KLF4: variants seen among roughly 807,000 people sequenced by gnomAD.
KLF4 encodes Krueppel-like factor 4.
KLF4 carries 14 observed loss-of-function variants against 38.0 expected under a neutral mutation model. The observed-to-expected ratio is 0.37, with a 90% CI of 0.24 to 0.58. The LOEUF is 0.58. Ranked by LOEUF, KLF4 falls within the 20% of genes least tolerant of loss-of-function variation. KLF4 has a pLI of 0.76. For missense variants in KLF4, 737 were observed against 670.1 expected (o/e 1.10, Z -1.10); for synonymous variants, 398 against 302.5 (o/e 1.32, Z -3.28).
chr9:107,488,359 C>A lies in KLF4; in HGVS notation c.127-92G>T, dbSNP rs555093033. The A allele has an allele frequency of 1.2e-4, 174 of 1,451,222 alleles. No individual in the cohort carries two copies. The South Asian group carries it at 2.2e-3, about 19-fold the overall frequency. The allele number at this position is 1,451,222 out of a possible 1,614,324, so 89.9% of individuals were successfully genotyped here. On this transcript the variant is annotated intron_variant, in intron 2 of 4. Coordinates refer to ENST00000374672, the MANE Select transcript of KLF4 (RefSeq NM_004235.6). This position sits in a 1 kb window ranked among gnomAD's most constrained non-coding sequence, Gnocchi z 5.7. ...GCTGGCGGGCCACGCGCGACTGCACCGCCCAGACATGGGGACTGGTCAGGC... is the reference window on the plus strand; with the variant it reads ...GCTGGCGGGCCACGCGCGACTGCACAGCCCAGACATGGGGACTGGTCAGGC...
Position 107,487,257 on chromosome 9 carries a change from G to A in KLF4, c.1099+38C>T. 1 of 1,600,164 alleles carries A rather than the reference G, an allele frequency of 6.2e-7. No individual in the cohort carries two copies. Among genetic ancestry groups the A allele is most frequent in the South Asian group, 1.1e-5 (1 of 88,644 alleles). On this transcript the variant is annotated intron_variant, in intron 3 of 4. Transcript: ENST00000374672. The surrounding 1 kb of genome is among the most constrained non-coding windows in gnomAD (Gnocchi z 6.1). ...TCCCGAAGTGGGGCCAGCACACACA[G>A]GGCTCCCCAGCCCGAGCTACAAATC...
At position 107,485,256 on chromosome 9, in the gene KLF4, C is replaced by G. The variant is rs1408170473; in HGVS notation, c.*495G>C. Reference sequence around the variant, plus strand: ...TTGTTTGGTACCTTTAGAACCAAGACTCACCAAGCACCATCATTTAGGCTA... The same window carrying G: ...TTGTTTGGTACCTTTAGAACCAAGAGTCACCAAGCACCATCATTTAGGCTA... On this transcript the variant is annotated 3_prime_UTR_variant, in exon 5 of 5. Transcript: ENST00000374672. This position sits in a 1 kb window ranked among gnomAD's most constrained non-coding sequence, Gnocchi z 4.9. 4.7e-6 allele frequency: 1 copy of G among 213,258 alleles called. No individual in the cohort carries two copies. The highest frequency in any genetic ancestry group is 9.5e-6 in the Non-Finnish European group (1 of 105,426). 13.2% of individuals were successfully genotyped at this position (213,258 alleles called of 1,614,324 possible).
chr9:107,487,917 G>C lies in KLF4; in HGVS notation c.477C>G (p.Asp159Glu), dbSNP rs544822847. Residue 159 changes from aspartate to glutamate, a missense_variant, in exon 3 of 5, where the codon GAC becomes GAG. This residue lies in a region of KLF4 where 695 missense variants were observed against 554.5 expected (regional missense o/e 1.25). Transcript: ENST00000374672. The surrounding 1 kb of genome is among the most constrained non-coding windows in gnomAD (Gnocchi z 6.1). The stretch of plus-strand genomic sequence containing the variant: ...CCGTGCCGCCCGGCGCCACGCCCGG[G>C]TCGTTCCCGGCCCGGATCGGATAGG... ...SFTYPIRAGN[D>E]PGVAPGGTGG... The C allele has an allele frequency of 1.3e-5, 21 of 1,573,714 alleles. No individual in the cohort carries two copies. In the Admixed American group the frequency reaches 3.5e-4, roughly 27 times the overall value.
At chr9:107,486,258 A>T (rs1829061103) in intron 4 of KLF4, among the ~76,000 whole-genome samples, 4 of 152,012 alleles carry the variant, frequency 2.6e-5, no homozygotes, top group Admixed American at 2.6e-4. Flanking sequence ...TGGAAATGAA[A>T]TTTGGAAATT....
Position 107,488,052 on chromosome 9 carries a change from G to A in KLF4, c.342C>T (p.Thr114=), listed in dbSNP as rs778450577. 1 of 1,612,512 alleles carries A rather than the reference G, an allele frequency of 6.2e-7. No individual in the cohort carries two copies. The highest frequency in any genetic ancestry group is 1.1e-5 in the South Asian group (1 of 91,030). ...DLDFILSNSL[T]HPPESVAATV... ...TGGCGGCCACTGACTCCGGAGGATG[G>A]GTCAGCGAATTGGAGAGAATAAAGT... The change falls in exon 3 of 5, where the codon ACC becomes ACT. Residue 114 remains threonine (T), a synonymous_variant. Coordinates refer to ENST00000374672, the MANE Select transcript of KLF4 (RefSeq NM_004235.6). The surrounding 1 kb of genome is among the most constrained non-coding windows in gnomAD (Gnocchi z 5.7).
chr9:107,488,158 G>C lies in KLF4; in HGVS notation c.236C>G (p.Ala79Gly), dbSNP rs144010829. 22 of 1,612,464 alleles carry C rather than the reference G, an allele frequency of 1.4e-5. No homozygotes were observed. The African/African-American group carries it at 1.7e-4, about 13-fold the overall frequency. Residue 79 changes from alanine to glycine, a missense_variant, in exon 3 of 5, where the codon GCC becomes GGC. Physicochemically the swap from Ala to Gly is moderately conservative, Grantham distance 60 (BLOSUM62 0). This residue lies in a region of KLF4 where 695 missense variants were observed against 554.5 expected (regional missense o/e 1.25). Transcript: ENST00000374672. The surrounding 1 kb of genome is among the most constrained non-coding windows in gnomAD (Gnocchi z 5.7). ...TVATDLESGG[A>G]GAACGGSNLA... is the part of the protein sequence containing the mutation. ...GTTGCTACCGCCGCAAGCCGCACCG[G>C]CTCCGCCGCTCTCCAGGTCTGTGGC...
Position 107,488,202 on chromosome 9 carries a change from G to C in KLF4, c.192C>G (p.Asp64Glu), listed in dbSNP as rs748091440. ...LPPVLPGRPY[D>E]LAAATVATDL... is the part of the protein sequence containing the mutation. ...CTGTGGCCACGGTCGCCGCCGCCAG[G>C]TCATAGGGGCGGCCGGGAAGCACTG... The change falls in exon 3 of 5, where the codon GAC (aspartate) becomes GAG (glutamate). Residue 64 changes from aspartate to glutamate, a missense_variant. Physicochemically the swap from Asp to Glu is conservative, Grantham distance 45 (BLOSUM62 2). Transcript: ENST00000374672. The surrounding 1 kb of genome is among the most constrained non-coding windows in gnomAD (Gnocchi z 5.7). 1.2e-6 allele frequency: 2 copies of C among 1,611,896 alleles called. No homozygotes were observed. The highest frequency in any genetic ancestry group is 1.7e-6 in the Non-Finnish European group (2 of 1,179,612).
rs144746864 is a variant in KLF4, at chr9:107,487,951, C to T, written c.443G>A (p.Cys148Tyr). 27 of 1,583,854 alleles carry T rather than the reference C, an allele frequency of 1.7e-5. No individual in the cohort carries two copies. In the African/African-American group the frequency reaches 3.2e-4, roughly 19 times the overall value. Residue 148 changes from cysteine to tyrosine, a missense_variant, in exon 3 of 5, where the codon TGC becomes TAC. Cys to Tyr is a radical substitution (Grantham distance 194). Around this residue, in one of 2 missense-constraint regions of KLF4, gnomAD observed 695 missense variants for 554.5 expected, o/e 1.25. Transcript: ENST00000374672. This position sits in a 1 kb window ranked among gnomAD's most constrained non-coding sequence, Gnocchi z 6.1. ...GGCCCGGATCGGATAGGTGAAGCTG[C>T]AGGTGGAGGGCGCGCTGGCAGGGCC... ...SSGPASAPST[C>Y]SFTYPIRAGN...
chr9:107,486,919 A>G (rs1324638708), intron 4 of KLF4, 109 bp downstream of exon 4: 1 of 1,586,436 alleles, frequency 6.3e-7, no homozygotes, highest in Non-Finnish European at 8.6e-7. Flanking sequence ...CTGGTAGCCT[A>G]TGGGGCTGGA....
At position 107,489,006 on chromosome 9, in the gene KLF4, A is replaced by G. The variant is rs1309929214; in HGVS notation, c.50T>C (p.Leu17Pro). The G allele has an allele frequency of 1.3e-6, 2 of 1,565,764 alleles. No individual in the cohort carries two copies. The highest frequency in any genetic ancestry group is 1.7e-6 in the Non-Finnish European group (2 of 1,154,716). Reference sequence around the variant, plus strand: ...AGACGCGAACGTGGAGAAAGATGGGAGCAGCGCGTCGCTGACAGCCATGTC... The same window carrying G: ...AGACGCGAACGTGGAGAAAGATGGGGGCAGCGCGTCGCTGACAGCCATGTC... ...ESDMAVSDAL[L>P]PSFSTFASGP... The change falls in exon 2 of 5, where the codon CTC (leucine) becomes CCC (proline). Residue 17 changes from leucine (L) to proline (P), a missense_variant. Around this residue, in one of 2 missense-constraint regions of KLF4, gnomAD observed 695 missense variants for 554.5 expected, o/e 1.25. Transcript: ENST00000374672.
chr9:107,485,826 C>T lies in KLF4; in HGVS notation c.1365G>A (p.Pro455=), dbSNP rs773436486. 9.9e-6 allele frequency: 16 copies of T among 1,610,270 alleles called. No individual in the cohort carries two copies. The highest frequency in any genetic ancestry group is 3.4e-5 in the Admixed American group (2 of 59,026). ...CTCGGTCGCATTTTTGGCACTGGAACGGGCGGTGCCCCGTGTGTTTACGGT... is the reference window on the plus strand; with the variant it reads ...CTCGGTCGCATTTTTGGCACTGGAATGGGCGGTGCCCCGTGTGTTTACGGT... ...RHYRKHTGHR[P]FQCQKCDRAF... Residue 455 remains proline, a synonymous_variant, in exon 5 of 5, where the codon CCG becomes CCA. Coordinates refer to ENST00000374672, the MANE Select transcript of KLF4 (RefSeq NM_004235.6). This position sits in a 1 kb window ranked among gnomAD's most constrained non-coding sequence, Gnocchi z 4.9.
chr9:107,489,522 T>C lies in KLF4; in HGVS notation c.-350A>G, dbSNP rs1254547721. 17 of 276,634 alleles carry C rather than the reference T, an allele frequency of 6.1e-5. No homozygotes were observed. The East Asian group carries it at 9.2e-4, about 15-fold the overall frequency. The allele number at this position is 276,634 out of a possible 1,614,324, so 17.1% of individuals were successfully genotyped here. On this transcript the variant is annotated 5_prime_UTR_variant, in exon 1 of 5. Coordinates refer to ENST00000374672, the MANE Select transcript of KLF4 (RefSeq NM_004235.6). The stretch of plus-strand genomic sequence containing the variant: ...TGTGGCCGGGGCGGTGGGCGGGCGG[T>C]GCCGCCAGGTGAGACTGGCTGCCGT...
chr9:107,487,273 G>C lies in KLF4; in HGVS notation c.1099+22C>G, dbSNP rs371834404. 6.3e-7 allele frequency: 1 copy of C among 1,596,068 alleles called. No homozygotes were observed. The highest frequency in any genetic ancestry group is 8.5e-7 in the Non-Finnish European group (1 of 1,170,438). ...GCACACACAGGGCTCCCCAGCCCGA[G>C]CTACAAATCCCCGGGACTGACCTTG... On this transcript the variant is annotated intron_variant, in intron 3 of 4. Transcript: ENST00000374672. The surrounding 1 kb of genome is among the most constrained non-coding windows in gnomAD (Gnocchi z 6.1).
rs752732498 is a variant in KLF4, at chr9:107,487,240, T to G, written c.1100-48A>C. On this transcript the variant is annotated intron_variant, in intron 3 of 4. Transcript: ENST00000374672. This position sits in a 1 kb window ranked among gnomAD's most constrained non-coding sequence, Gnocchi z 6.1. ...GAGCATCATCCCGTGTGTCCCGAAG[T>G]GGGGCCAGCACACACAGGGCTCCCC... 13 of 1,606,316 alleles carry G rather than the reference T, an allele frequency of 8.1e-6. No individual in the cohort carries two copies. The highest frequency in any genetic ancestry group is 1.1e-5 in the Non-Finnish European group (13 of 1,175,642).
Position 107,485,533 on chromosome 9 carries a change from T to C in KLF4, c.*218A>G, listed in dbSNP as rs956187191. The C allele has an allele frequency of 1.7e-5, 8 of 468,410 alleles. No individual in the cohort carries two copies. The highest frequency in any genetic ancestry group is 6.1e-5 in the African/African-American group (3 of 49,220). 29.0% of individuals were successfully genotyped at this position (468,410 alleles called of 1,614,324 possible). The stretch of plus-strand genomic sequence containing the variant: ...CAAGTCGGATTTAGAATTGGAATGA[T>C]AGAAGATCCAGTCACAGACCCCATC... On this transcript the variant is annotated 3_prime_UTR_variant, in exon 5 of 5. Coordinates refer to ENST00000374672, the MANE Select transcript of KLF4 (RefSeq NM_004235.6). This position sits in a 1 kb window ranked among gnomAD's most constrained non-coding sequence, Gnocchi z 4.9.
At position 107,487,679 on chromosome 9, in the gene KLF4, C is replaced by G; in HGVS notation, c.715G>C (p.Gly239Arg). 1 of 1,604,774 alleles carries G rather than the reference C, an allele frequency of 6.2e-7. No homozygotes were observed. Reference protein sequence around the residue: ...FVLKASLSAPGSEYGSPSVIS... With the variant: ...FVLKASLSAPRSEYGSPSVIS... ...ACCGACGGGCTGCCGTACTCGCTGC[C>G]AGGGGCGCTCAGCGACGCCTTCAGC... The change falls in exon 3 of 5, where the codon GGC (glycine) becomes CGC (arginine). Residue 239 changes from glycine to arginine, a missense_variant. Physicochemically the swap from Gly to Arg is moderately radical, Grantham distance 125 (BLOSUM62 -2). Coordinates refer to ENST00000374672, the MANE Select transcript of KLF4 (RefSeq NM_004235.6). The surrounding 1 kb of genome is among the most constrained non-coding windows in gnomAD (Gnocchi z 6.1).
chr9:107,487,695 C>T lies in KLF4; in HGVS notation c.699G>A (p.Ala233=), dbSNP rs1191263434. 3.1e-6 allele frequency: 5 copies of T among 1,605,760 alleles called. No homozygotes were observed. In the African/African-American group the frequency reaches 5.3e-5, roughly 17 times the overall value. Residue 233 remains alanine, a synonymous_variant, in exon 3 of 5, where the codon GCG becomes GCA. Coordinates refer to ENST00000374672, the MANE Select transcript of KLF4 (RefSeq NM_004235.6). The surrounding 1 kb of genome is among the most constrained non-coding windows in gnomAD (Gnocchi z 6.1). ...ACTCGCTGCCAGGGGCGCTCAGCGACGCCTTCAGCACGAACTTGCCCATCA... is the reference window on the plus strand; with the variant it reads ...ACTCGCTGCCAGGGGCGCTCAGCGATGCCTTCAGCACGAACTTGCCCATCA... ...GGLMGKFVLK[A]SLSAPGSEYG...
chr9:107,488,890 A>C lies in KLF4; in HGVS notation c.126+40T>G, dbSNP rs1338337674. 33 of 1,540,420 alleles carry C rather than the reference A, an allele frequency of 2.1e-5. No homozygotes were observed. The highest frequency in any genetic ancestry group is 2.9e-5 in the Non-Finnish European group (33 of 1,139,610). On this transcript the variant is annotated intron_variant, in intron 2 of 4. Coordinates refer to ENST00000374672, the MANE Select transcript of KLF4 (RefSeq NM_004235.6). The surrounding 1 kb of genome is among the most constrained non-coding windows in gnomAD (Gnocchi z 5.7). ...CGCCCGCCCCCACCACACCCACGAAAACCCACCGGGCGTTCCCGGCGGCCC... is the reference window on the plus strand; with the variant it reads ...CGCCCGCCCCCACCACACCCACGAACACCCACCGGGCGTTCCCGGCGGCCC...
chr9:107,487,518 G>T lies in KLF4; in HGVS notation c.876C>A (p.Pro292=), dbSNP rs569448699. ...VSSCTHLGAG[P]PLSNGHRPAA... Reference sequence around the variant, plus strand: ...CCGGCCGGTGGCCATTGCTGAGAGGGGGTCCAGCGCCCAAGTGGGTGCACG... The same window carrying T: ...CCGGCCGGTGGCCATTGCTGAGAGGTGGTCCAGCGCCCAAGTGGGTGCACG... The change falls in exon 3 of 5, where the codon CCC becomes CCA. Residue 292 remains proline (P), a synonymous_variant. Transcript: ENST00000374672. The surrounding 1 kb of genome is among the most constrained non-coding windows in gnomAD (Gnocchi z 6.1). 4 of 1,549,384 alleles carry T rather than the reference G, an allele frequency of 2.6e-6. No homozygotes were observed. The African/African-American group carries it at 5.5e-5, about 21-fold the overall frequency.
Sources: gnomAD v4.1 joint callset for allele counts (sites outside exome capture counted in the v4.1 genomes callset) on GRCh38, gnomAD v4.1.1 for gene constraint, gnomAD v4.1.1 regional missense constraint, Gnocchi (gnomAD v3.1) non-coding constraint, MANE v1.5 for transcripts, NCBI Gene and HGNC (gene_info 2026-07-23, HGNC 2026-07-21) for gene names.